TUBGCP3: variants seen among roughly 807,000 people sequenced by gnomAD.
TUBGCP3 encodes gamma-tubulin complex component 3.
In TUBGCP3, 50 loss-of-function variants were observed where a neutral mutation model predicts 123.1. The ratio of observed to expected loss-of-function variants is 0.41; its 90% confidence interval spans 0.32 to 0.51. The LOEUF (loss-of-function observed/expected upper bound fraction) is 0.51. Ranked by LOEUF, TUBGCP3 falls within the 20% of genes least tolerant of loss-of-function variation. The probability of loss-of-function intolerance (pLI) is 0.36; values close to 1 mark genes in which losing one functional copy is unlikely to be tolerated. For synonymous variants in TUBGCP3, 405 were observed against 413.9 expected, an observed-to-expected ratio of 0.98 and a Z score of 0.26; for missense variants, 882 against 1,127.0, an observed-to-expected ratio of 0.78 and a Z score of 3.11.
In TUBGCP3 at chr13:112,503,992, T is replaced by A. The variant is rs758298576; in HGVS notation, c.2307+40A>T. On this transcript the variant is annotated intron_variant, in intron 19 of 21. Coordinates refer to ENST00000261965, the MANE Select transcript of TUBGCP3 (RefSeq NM_006322.6). Reference sequence around the variant, plus strand: ...ACAGGAACCCAAGAAAAGAAGATGATTCTTTTGGTTTCTTGTTTCTAAGCA... The same window carrying A: ...ACAGGAACCCAAGAAAAGAAGATGAATCTTTTGGTTTCTTGTTTCTAAGCA... The A allele has an allele frequency of 5.8e-6, 9 of 1,560,606 alleles. No individual in the cohort carries two copies. In the East Asian group the frequency reaches 1.8e-4, roughly 32 times the overall value.
rs184110795 is a variant in TUBGCP3 at position 112,523,704 on chromosome 13, G to A, written c.1556-1195C>T. Among the ~76,000 whole-genome samples the A allele has an allele frequency of 3.3e-5, 5 of 152,304 alleles. No individual in the cohort carries two copies. The East Asian group carries it at 9.6e-4, about 29-fold the overall frequency. On this transcript the variant is annotated intron_variant, in intron 13 of 21. Coordinates refer to ENST00000261965, the MANE Select transcript of TUBGCP3 (RefSeq NM_006322.6). ...AAAGAGAAGGTTTGAATCAGTCTTA[G>A]CCCAAAGCAGCCTATGAAGACACAG...
chr13:112,516,941 T>C (rs1876187870), intron 16 of TUBGCP3, among the ~76,000 whole-genome samples: 1 of 152,178 alleles, frequency 6.6e-6, no homozygotes, highest in African/African-American at 2.4e-5. Context: ...TCATGGAAGG[T>C]AGGCCTAGAA....
intron 1 of TUBGCP3, among the ~76,000 whole-genome samples, chr13:112,574,287 C>T (rs1199845122): frequency 6.7e-6 from 1 of 149,034 alleles, no homozygotes; most frequent in Non-Finnish European, 1.5e-5. Context: ...CTGCCCAATC[C>T]ACAGAGAATC....
chr13:112,558,442 G>C, intron 4 of TUBGCP3, 29 bp from the exon 5 acceptor site: 2 of 1,502,700 alleles, frequency 1.3e-6, no homozygotes, highest in Non-Finnish European at 1.8e-6. Context: ...TAAGAGCAGA[G>C]ACAGGAAATT....
upstream of TUBGCP3, among the ~76,000 whole-genome samples, chr13:112,591,021 A>G (rs1882872929): frequency 6.6e-6 from 1 of 152,216 alleles, no homozygotes; most frequent in East Asian, 1.9e-4. Context: ...CACCTAAGTA[A>G]AAACTGTTAT....
At chr13:112,527,951 AAGC>A (rs1191257976) in intron 11 of TUBGCP3, among the ~76,000 whole-genome samples, 1 of 152,230 alleles carries the variant, frequency 6.6e-6, no homozygotes, top group East Asian at 1.9e-4. Context: ...GACAAGTCCC[AAGC>A]TCTATGGGCA....
At chr13:112,547,597 C>A (rs749329584) in intron 10 of TUBGCP3, 23 bp downstream of exon 10, 3 of 1,465,658 alleles carry the variant, frequency 2.0e-6, no homozygotes, top group Non-Finnish European at 9.1e-7. Context: ...GAAAGACGTG[C>A]GTGGGAAAGA....
chr13:112,489,572 CAT>C lies in TUBGCP3; in HGVS notation c.2565+7_2565+8del. ...GGTGTGAAGAGCCACTCTGTATCCT[CAT>C]ACACACCTGGTAGAAATGGGTCAAT... On this transcript the variant is annotated splice_region_variant and intron_variant, in intron 21 of 21. Transcript: ENST00000261965. The C allele has an allele frequency of 6.3e-7, 1 of 1,595,226 alleles. No homozygotes were observed. Among genetic ancestry groups the C allele is most frequent in the South Asian group, 1.1e-5 (1 of 90,646 alleles).
chr13:112,564,421 A>G (rs897251793), intron 3 of TUBGCP3, among the ~76,000 whole-genome samples: 1 of 152,266 alleles, frequency 6.6e-6, no homozygotes, highest in Non-Finnish European at 1.5e-5. Context: ...CATAAAAGGA[A>G]AGAAAGCGGG....
At chr13:112,593,283 T>A in the TUBGCP3 span, among the ~76,000 whole-genome samples, 3 of 151,964 alleles carry the variant, frequency 2.0e-5, no homozygotes, top group Non-Finnish European at 4.4e-5. Flanking sequence ...CTGGGCGTAG[T>A]TGTACGCACC....
chr13:112,534,129 C>G (rs999955049), intron 11 of TUBGCP3, among the ~76,000 whole-genome samples: 46 of 152,260 alleles, frequency 3.0e-4, no homozygotes, highest in African/African-American at 8.9e-4. Context: ...TTGCAGGTCC[C>G]CGCCCGACTC....
At chr13:112,528,819 G>A (rs1358339578) in intron 11 of TUBGCP3, among the ~76,000 whole-genome samples, 2 of 151,758 alleles carry the variant, frequency 1.3e-5, no homozygotes, top group Admixed American at 1.3e-4. Flanking sequence ...TGTTCTTTCA[G>A]TATTTCTATT....
rs191962159 is a variant in TUBGCP3, at chr13:112,582,057, T to A, written c.76+5848A>T. On this transcript the variant is annotated intron_variant, in intron 1 of 21. Transcript: ENST00000261965. ...CAACTGTTACCTCTTAAACCAAATCTACTTAATCTGTGCTTCAGAGGGAAA... is the reference window on the plus strand; with the variant it reads ...CAACTGTTACCTCTTAAACCAAATCAACTTAATCTGTGCTTCAGAGGGAAA... Among the ~76,000 whole-genome samples, 1,186 of 152,312 alleles carry A rather than the reference T, an allele frequency of 7.8e-3. 4 individuals carry two copies. Among genetic ancestry groups the A allele is most frequent in the Non-Finnish European group, 0.012 (830 of 68,028 alleles).
chr13:112,489,777 G>A (rs568214002), intron 20 of TUBGCP3, 80 bp from the exon 21 acceptor site: 11 of 1,134,022 alleles, frequency 9.7e-6, no homozygotes, highest in Admixed American at 3.5e-5. Context: ...ACAGGTATGT[G>A]AGGAGCAGGA....
intron 14 of TUBGCP3, chr13:112,521,863 C>T (rs370120503): frequency 4.7e-5 from 46 of 985,386 alleles, no homozygotes; most frequent in Middle Eastern, 5.2e-4. Flanking sequence ...ATACATTTAA[C>T]TCTGGAAGGG....
rs116992359 is a variant in TUBGCP3, at chr13:112,494,653, T to A, written c.2448+4392A>T. 3.5e-3 allele frequency among the ~76,000 whole-genome samples: 530 copies of A among 152,316 alleles called. 1 individual carries two copies. The highest frequency in any genetic ancestry group is 0.01 in the Middle Eastern group (3 of 294). ...ACATGTACTCGACTATAAACTTATATCCATGGTGGCTGGACTAATCCATGT... is the reference window on the plus strand; with the variant it reads ...ACATGTACTCGACTATAAACTTATAACCATGGTGGCTGGACTAATCCATGT... On this transcript the variant is annotated intron_variant, in intron 20 of 21. Transcript: ENST00000261965.
the TUBGCP3 span, among the ~76,000 whole-genome samples, chr13:112,600,047 C>A: frequency 3.3e-4 from 51 of 152,286 alleles, no homozygotes; most frequent in African/African-American, 1.2e-3. Flanking sequence ...CATGCTAAGA[C>A]TACGAATCCC....
chr13:112,590,298 T>C (rs890519999), upstream of TUBGCP3, among the ~76,000 whole-genome samples: 1 of 152,152 alleles, frequency 6.6e-6, no homozygotes, highest in Non-Finnish European at 1.5e-5. Flanking sequence ...TTAACGTGCA[T>C]ACACGATGTG....
chr13:112,509,350 C>T (rs1188189988), intron 17 of TUBGCP3, among the ~76,000 whole-genome samples: 3 of 152,194 alleles, frequency 2.0e-5, no homozygotes, highest in Non-Finnish European at 4.4e-5. Context: ...TCACTGGGAG[C>T]CAGCAACAGG....
Sources: gnomAD v4.1 joint callset for allele counts (sites outside exome capture counted in the v4.1 genomes callset) on GRCh38, gnomAD v4.1.1 for gene constraint, MANE v1.5 for transcripts, NCBI Gene and HGNC (gene_info 2026-07-23, HGNC 2026-07-21) for gene names.